Variants in SLC36A1 observed in about 807,000 individuals in gnomAD.
The protein encoded by SLC36A1 is proton-coupled amino acid transporter 1.
SLC36A1 carries 30 observed loss-of-function variants against 47.5 expected under a neutral mutation model. The ratio of observed to expected loss-of-function variants is 0.63; its 90% CI spans 0.47 to 0.86. SLC36A1 has a LOEUF of 0.86. SLC36A1 is among the 40% of genes least tolerant of loss of function. The pLI, the probability that SLC36A1 is intolerant of heterozygous loss-of-function variation, is 0.00. For synonymous variants in SLC36A1, 255 were observed against 249.7 expected (o/e 1.02, Z -0.20); for missense variants, 517 against 606.0 (o/e 0.85, Z 1.54).
the SLC36A1 span, chr5:151,529,204 C>G: frequency 6.2e-7 from 1 of 1,614,120 alleles, no homozygotes; most frequent in Non-Finnish European, 8.5e-7. Context: ...CCCACAAGGG[C>G]ATTCTCTAAG....
the SLC36A1 span, among the ~76,000 whole-genome samples, chr5:151,351,816 C>T: frequency 3.9e-5 from 6 of 152,194 alleles, no homozygotes; most frequent in South Asian, 2.1e-4. Flanking sequence ...TTCCTGGCCT[C>T]TCCACTTCCC....
chr5:151,529,544 A>G, the SLC36A1 span: 4 of 630,570 alleles, frequency 6.3e-6, no homozygotes, highest in South Asian at 1.9e-5. Flanking sequence ...TCCCTTTGCT[A>G]TCCCCTTGAC....
the SLC36A1 span, chr5:151,507,666 C>T: frequency 6.8e-7 from 1 of 1,479,582 alleles, no homozygotes. Flanking sequence ...TTTCCATGTC[C>T]CCTCTTACAG....
the SLC36A1 span, chr5:151,382,255 C>G: frequency 7.5e-7 from 1 of 1,336,118 alleles, no homozygotes; most frequent in Non-Finnish European, 1.1e-6. Context: ...CACTACCAGC[C>G]TGGGAGCTAC....
At chr5:151,459,012 A>T (rs1755125084) in intron 2 of SLC36A1, 77 bp downstream of exon 2, 3 of 1,467,172 alleles carry the variant, frequency 2.0e-6, no homozygotes, top group Non-Finnish European at 2.8e-6. Flanking sequence ...TTTTCCCCCC[A>T]ATTTCATCAG....
intron 3 of SLC36A1, among the ~76,000 whole-genome samples, chr5:151,464,209 C>G (rs1755995191): frequency 6.6e-6 from 1 of 152,198 alleles, no homozygotes; most frequent in East Asian, 1.9e-4. Flanking sequence ...CTTAGCCCAG[C>G]TCTTCCCACA....
At chr5:151,421,366 C>T in the SLC36A1 span, among the ~76,000 whole-genome samples, 6 of 151,526 alleles carry the variant, frequency 4.0e-5, no homozygotes, top group East Asian at 3.9e-4. Context: ...CTCAGCCTCC[C>T]GAGTAGCTGG....
chr5:151,345,792 T>G, the SLC36A1 span, among the ~76,000 whole-genome samples: 1 of 152,008 alleles, frequency 6.6e-6, no homozygotes, highest in Non-Finnish European at 1.5e-5. Context: ...AAACTGGGAG[T>G]TGGGAGACAT....
At chr5:151,382,808 T>G in the SLC36A1 span, among the ~76,000 whole-genome samples, 1 of 152,236 alleles carries the variant, frequency 6.6e-6, no homozygotes, top group African/African-American at 2.4e-5. Flanking sequence ...ACCTGTTAGT[T>G]GAGCCATCTT....
At chr5:151,424,402 A>AAGTGG in the SLC36A1 span, among the ~76,000 whole-genome samples, 2 of 152,224 alleles carry the variant, frequency 1.3e-5, no homozygotes, top group African/African-American at 4.8e-5. Context: ...GAAGGCAGAC[A>AAGTGG]AGCGAAGCTA....
chr5:151,521,454 T>A, the SLC36A1 span: 1 of 1,614,230 alleles, frequency 6.2e-7, no homozygotes, highest in Non-Finnish European at 8.5e-7. Flanking sequence ...GAACCCCCAC[T>A]GAATGCTCCA....
chr5:151,514,691 C>T, the SLC36A1 span, among the ~76,000 whole-genome samples: 3 of 152,210 alleles, frequency 2.0e-5, no homozygotes, highest in East Asian at 5.8e-4. Flanking sequence ...CCTAATGCCT[C>T]CCTCCTCATT....
At chr5:151,517,835 C>T in the SLC36A1 span, 1 of 1,561,704 alleles carries the variant, frequency 6.4e-7, no homozygotes, top group Non-Finnish European at 8.8e-7. Flanking sequence ...CTGACTTTGT[C>T]TTATTTAATC....
the SLC36A1 span, chr5:151,534,716 A>G: frequency 1.5e-6 from 2 of 1,297,942 alleles, no homozygotes; most frequent in Non-Finnish European, 2.2e-6. Context: ...CTATATATCT[A>G]CAGGAGACAA....
downstream of SLC36A1, among the ~76,000 whole-genome samples, chr5:151,493,413 T>C (rs1381230856): frequency 6.6e-6 from 1 of 152,160 alleles, no homozygotes; most frequent in African/African-American, 2.4e-5. Context: ...CCAGTGCCAA[T>C]TGCAAGTACC....
At chr5:151,452,869 CA>C (rs543863050) in intron 1 of SLC36A1, among the ~76,000 whole-genome samples, 233 of 106,998 alleles carry the variant, frequency 2.2e-3, no homozygotes, top group Middle Eastern at 6.0e-3. Context: ...GACACCATCT[CA>C]AAAAAAAAAA....
chr5:151,554,772 T>G, the SLC36A1 span: 2 of 948,722 alleles, frequency 2.1e-6, no homozygotes, highest in South Asian at 3.2e-5. Flanking sequence ...TTCTTTGGTA[T>G]GAGCTTGTAC....
the SLC36A1 span, among the ~76,000 whole-genome samples, chr5:151,365,519 A>G: frequency 6.6e-6 from 1 of 152,180 alleles, no homozygotes; most frequent in African/African-American, 2.4e-5. Flanking sequence ...AAGTAGGGAG[A>G]GCAAAGATGG....
At chr5:151,527,969 A>C in the SLC36A1 span, 135 of 1,611,530 alleles carry the variant, frequency 8.4e-5, no homozygotes, top group Middle Eastern at 5.5e-4. Context: ...TAATGAGCTC[A>C]GGGTGCGCCC....
Sources: allele counts gnomAD v4.1 joint callset (sites outside exome capture counted in the v4.1 genomes callset), GRCh38; gene constraint gnomAD v4.1.1; transcripts MANE v1.5; gene names NCBI Gene and HGNC (gene_info 2026-07-23, HGNC 2026-07-21).